Variants in SLC13A1 observed in about 807,000 individuals in gnomAD.
SLC13A1 encodes the protein Na(+)/sulfate cotransporter.
SLC13A1 carries 65 observed loss-of-function variants against 70.0 expected under a neutral mutation model. The observed-to-expected ratio is 0.93, with a 90% CI of 0.76 to 1.14. The LOEUF (loss-of-function observed/expected upper bound fraction) is 1.14. Among genes scored for constraint, SLC13A1 ranks in the 50% most tolerant of loss-of-function variants. The probability of loss-of-function intolerance (pLI) is 0.00; values close to 1 mark genes in which losing one functional copy is unlikely to be tolerated. For synonymous variants in SLC13A1, 275 were observed against 250.5 expected (o/e 1.10, Z -0.92); for missense variants, 726 against 717.8 (o/e 1.01, Z -0.13).
At chr7:123,126,358 G>T (rs776145525) in intron 10 of SLC13A1, among the ~76,000 whole-genome samples, 1 of 152,102 alleles carries the variant, frequency 6.6e-6, no homozygotes, top group East Asian at 1.9e-4. Context: ...AACAGATGGG[G>T]TCTTAGAATC....
At chr7:123,171,728 G>T in intron 3 of SLC13A1, 40 bp downstream of exon 3, 1 of 1,606,968 alleles carries the variant, frequency 6.2e-7, no homozygotes, top group Non-Finnish European at 8.5e-7. Flanking sequence ...AAAATGGTCT[G>T]TTCAGCAGGT....
At chr7:123,167,437 T>C (rs905763518) in intron 6 of SLC13A1, among the ~76,000 whole-genome samples, 5 of 152,212 alleles carry the variant, frequency 3.3e-5, no homozygotes, top group African/African-American at 1.2e-4. Flanking sequence ...TGCTCTTTCC[T>C]AGAAGATTTC....
intron 6 of SLC13A1, among the ~76,000 whole-genome samples, chr7:123,161,241 A>G (rs1794884615): frequency 6.6e-6 from 1 of 150,702 alleles, no homozygotes; most frequent in East Asian, 1.9e-4. Context: ...AAAAAGACTT[A>G]AATAAAATAT....
intron 12 of SLC13A1, among the ~76,000 whole-genome samples, chr7:123,122,804 A>G (rs1256134587): frequency 6.6e-6 from 1 of 152,106 alleles, no homozygotes; most frequent in Non-Finnish European, 1.5e-5. Context: ...TTTCACTAGG[A>G]GTCACTTTAC....
intron 1 of SLC13A1, among the ~76,000 whole-genome samples, chr7:123,190,976 T>C (rs1219857749): frequency 6.6e-6 from 1 of 152,218 alleles, no homozygotes; most frequent in Non-Finnish European, 1.5e-5. Context: ...CCTATTATTT[T>C]CATTTCTTCT....
At chr7:123,140,713 T>C (rs1334399092) in intron 7 of SLC13A1, among the ~76,000 whole-genome samples, 3 of 152,066 alleles carry the variant, frequency 2.0e-5, no homozygotes, top group Non-Finnish European at 4.4e-5. Context: ...TATTGGCATA[T>C]AGCTGCTCAT....
rs1332421575 is a variant in SLC13A1 at position 123,117,495 on chromosome 7, A to G, written c.1626T>C (p.Tyr542=). The G allele has an allele frequency of 7.4e-6, 12 of 1,613,474 alleles. No individual in the cohort carries two copies. The highest frequency in any genetic ancestry group is 1.0e-5 in the Non-Finnish European group (12 of 1,179,660). Residue 542 remains tyrosine (Y), a synonymous_variant, in exon 14 of 15, where the codon TAT becomes TAC. Coordinates refer to ENST00000194130, the MANE Select transcript of SLC13A1 (RefSeq NM_022444.4). ...CCATGTCAATGACTTTCAGATGACC[A>G]TATGAAAAGACAATAGCATTGGGTG... The part of the protein sequence containing the change: ...ANPPNAIVFS[Y]GHLKVIDMVK...
intron 7 of SLC13A1, among the ~76,000 whole-genome samples, chr7:123,137,347 G>GA (rs1229250103): frequency 6.6e-6 from 1 of 152,094 alleles, no homozygotes; most frequent in African/African-American, 2.4e-5. Context: ...GTTGCGTAGT[G>GA]AAAAAAGTGA....
At chr7:123,170,811 C>G (rs538844444) in intron 3 of SLC13A1, among the ~76,000 whole-genome samples, 1 of 151,966 alleles carries the variant, frequency 6.6e-6, no homozygotes, top group African/African-American at 2.4e-5. Context: ...AACTCCCCAC[C>G]TCAGGCGATC....
intron 1 of SLC13A1, among the ~76,000 whole-genome samples, chr7:123,189,487 A>G (rs1795929507): frequency 6.6e-6 from 1 of 152,118 alleles, no homozygotes; most frequent in Non-Finnish European, 1.5e-5. Context: ...CAACTCCTTC[A>G]TCTTATATGT....
At chr7:123,162,388 G>C (rs899704735) in intron 6 of SLC13A1, among the ~76,000 whole-genome samples, 2 of 152,050 alleles carry the variant, frequency 1.3e-5, no homozygotes, top group Non-Finnish European at 2.9e-5. Flanking sequence ...CTGGAGTGAG[G>C]TCACGTTCAC....
chr7:123,133,055 T>C lies in SLC13A1; in HGVS notation c.932+1355A>G, dbSNP rs575179109. ...ATTGGTCAACATTTTTTTTTTTACT[T>C]TGACTTCTATGTGTTCAACTTAGGC... On this transcript the variant is annotated intron_variant, in intron 8 of 14. Coordinates refer to ENST00000194130, the MANE Select transcript of SLC13A1 (RefSeq NM_022444.4). 2.0e-5 allele frequency among the ~76,000 whole-genome samples: 3 copies of C among 152,288 alleles called. No homozygotes were observed. The South Asian group carries it at 6.2e-4, about 32-fold the overall frequency.
At chr7:123,124,929 G>A (rs143590443) in intron 11 of SLC13A1, among the ~76,000 whole-genome samples, 1 of 152,026 alleles carries the variant, frequency 6.6e-6, no homozygotes, top group East Asian at 1.9e-4. Flanking sequence ...CTCCAGATTG[G>A]CCACCACACC....
Position 123,174,877 on chromosome 7 carries a change from C to T in SLC13A1, c.229-2973G>A, listed in dbSNP as rs142236060. Among the ~76,000 whole-genome samples, 711 of 151,812 alleles carry T rather than the reference C, an allele frequency of 4.7e-3. 4 individuals carry two copies. The highest frequency in any genetic ancestry group is 0.016 in the African/African-American group (670 of 41,426). ...TGCTTGCAATTTAACCTGGAATGAC[C>T]CTCTCTGCTTGTCTTGGATACTTCT... On this transcript the variant is annotated intron_variant, in intron 2 of 14. Coordinates refer to ENST00000194130, the MANE Select transcript of SLC13A1 (RefSeq NM_022444.4).
intron 6 of SLC13A1, among the ~76,000 whole-genome samples, chr7:123,150,474 C>T (rs1043381683): frequency 5.3e-5 from 8 of 152,116 alleles, no homozygotes; most frequent in African/African-American, 1.9e-4. Flanking sequence ...GCCATCCTTA[C>T]AGAAGAAAAA....
chr7:123,136,860 G>A (rs1009045150), intron 7 of SLC13A1, among the ~76,000 whole-genome samples: 11 of 152,188 alleles, frequency 7.2e-5, no homozygotes, highest in African/African-American at 2.7e-4. Flanking sequence ...AGCCAGTCAT[G>A]TGAATAACTG....
At chr7:123,195,068 A>C (rs1003171327) in intron 1 of SLC13A1, among the ~76,000 whole-genome samples, 14 of 152,162 alleles carry the variant, frequency 9.2e-5, no homozygotes, top group African/African-American at 2.7e-4. Context: ...TAAAGACAGA[A>C]ACATTAATTT....
chr7:123,148,878 A>T (rs377577435), intron 6 of SLC13A1, among the ~76,000 whole-genome samples: 2 of 152,190 alleles, frequency 1.3e-5, no homozygotes, highest in East Asian at 3.8e-4. Flanking sequence ...TGTCAAGAGA[A>T]GAACAGGATC....
At chr7:123,141,034 G>A (rs971482435) in intron 7 of SLC13A1, among the ~76,000 whole-genome samples, 1 of 150,900 alleles carries the variant, frequency 6.6e-6, no homozygotes, top group African/African-American at 2.4e-5. Flanking sequence ...TTTTTCTGAT[G>A]TAGGCACTTA....
Sources: gnomAD v4.1 joint callset for allele counts (sites outside exome capture counted in the v4.1 genomes callset) on GRCh38, gnomAD v4.1.1 for gene constraint, MANE v1.5 for transcripts, NCBI Gene and HGNC (gene_info 2026-07-23, HGNC 2026-07-21) for gene names.